Variants in RIMS1 observed in about 807,000 individuals in gnomAD.
RIMS1 encodes regulating synaptic membrane exocytosis protein 1.
Under a neutral mutation model 214.1 loss-of-function variants are expected in RIMS1, and 83 were observed. That is an observed-to-expected ratio of 0.39 (90% confidence interval 0.32 to 0.47). The LOEUF (loss-of-function observed/expected upper bound fraction) is 0.47, where lower values mean the gene tolerates loss of function less well. Among genes scored for constraint, RIMS1 ranks in the 20% least tolerant of loss-of-function variants. The pLI is 0.99. For missense variants in RIMS1, 2,050 were observed against 2,161.8 expected, an observed-to-expected ratio of 0.95 and a Z score of 1.03; for synonymous variants, 793 against 786.8, an observed-to-expected ratio of 1.01 and a Z score of -0.13.
chr6:72,283,337 A>G (rs1395525206), intron 23 of RIMS1, among the ~76,000 whole-genome samples: 1 of 152,112 alleles, frequency 6.6e-6, no homozygotes, highest in Non-Finnish European at 1.5e-5. Context: ...TAGAAAAATT[A>G]TTTCTGTGGG....
chr6:72,198,185 A>T (rs1056193532), intron 6 of RIMS1, among the ~76,000 whole-genome samples: 1 of 152,160 alleles, frequency 6.6e-6, no homozygotes, highest in Admixed American at 6.6e-5. Flanking sequence ...CACAATAGCA[A>T]AGATACTGAA....
chr6:71,932,952 A>C (rs534665683), intron 1 of RIMS1, among the ~76,000 whole-genome samples: 1 of 152,200 alleles, frequency 6.6e-6, no homozygotes, highest in Non-Finnish European at 1.5e-5. Flanking sequence ...TACTGAGCAC[A>C]TACTTTTATG....
intron 1 of RIMS1, among the ~76,000 whole-genome samples, chr6:71,951,532 C>T (rs901661483): frequency 6.8e-6 from 1 of 146,840 alleles, no homozygotes. Context: ...ACTCTGTCAC[C>T]CAGGCAGGAG....
intron 4 of RIMS1, among the ~76,000 whole-genome samples, chr6:72,101,139 A>G (rs1401450807): frequency 6.6e-6 from 1 of 151,904 alleles, no homozygotes; most frequent in Non-Finnish European, 1.5e-5. Flanking sequence ...AGATTTGGTG[A>G]TAAAATTTAA....
At chr6:72,194,017 T>C (rs2050474344) in intron 6 of RIMS1, among the ~76,000 whole-genome samples, 1 of 152,162 alleles carries the variant, frequency 6.6e-6, no homozygotes, top group South Asian at 2.1e-4. Flanking sequence ...AGATGTGTTC[T>C]ATAGGAATAC....
chr6:72,220,409 A>G (rs892293782), intron 6 of RIMS1, among the ~76,000 whole-genome samples: 1 of 152,094 alleles, frequency 6.6e-6, no homozygotes, highest in Non-Finnish European at 1.5e-5. Context: ...AAATGTAATT[A>G]TGGACCATGT....
rs1275419678 is a variant in RIMS1 at position 72,250,476 on chromosome 6, A to C, written c.2372+16A>C. ...CAGATAGAAGGTAGTGAATAATTTT[A>C]GAAAAAAAAAATCTTAAAATCTGTA... On this transcript the variant is annotated intron_variant, in intron 13 of 33. Transcript: ENST00000521978. 1 of 1,511,128 alleles carries C rather than the reference A, an allele frequency of 6.6e-7. No individual in the cohort carries two copies. 93.6% of individuals were successfully genotyped at this position (1,511,128 alleles called of 1,614,324 possible).
intron 1 of RIMS1, among the ~76,000 whole-genome samples, chr6:71,942,598 T>G (rs932429873): frequency 1.4e-4 from 22 of 152,176 alleles, no homozygotes; most frequent in Non-Finnish European, 1.0e-4. Context: ...AACACAGAGA[T>G]ACAGGTAGCT....
intron 1 of RIMS1, among the ~76,000 whole-genome samples, chr6:71,916,046 G>A (rs1778318438): frequency 6.6e-6 from 1 of 152,044 alleles, no homozygotes; most frequent in African/African-American, 2.4e-5. Context: ...TAGGAATTGT[G>A]GGAGCTACAA....
chr6:72,184,561 C>CAG (rs1562522858), intron 6 of RIMS1, among the ~76,000 whole-genome samples: 2 of 152,124 alleles, frequency 1.3e-5, no homozygotes, highest in African/African-American at 2.4e-5. Context: ...GAAGGATAGT[C>CAG]AAGGACCTAA....
chr6:72,173,464 ATC>A (rs760110931), intron 4 of RIMS1, among the ~76,000 whole-genome samples: 18 of 149,882 alleles, frequency 1.2e-4, no homozygotes, highest in African/African-American at 4.2e-4. Flanking sequence ...CATGTGTTTT[ATC>A]TCTCTAACGT....
At chr6:72,175,902 C>G (rs1037704717) in intron 4 of RIMS1, among the ~76,000 whole-genome samples, 1 of 151,984 alleles carries the variant, frequency 6.6e-6, no homozygotes, top group African/African-American at 2.4e-5. Context: ...TTTTATTTCT[C>G]TGGGTAAAAA....
At chr6:71,936,195 C>T (rs1562230193) in intron 1 of RIMS1, among the ~76,000 whole-genome samples, 2 of 151,224 alleles carry the variant, frequency 1.3e-5, no homozygotes, top group South Asian at 2.1e-4. Flanking sequence ...GGCGTGGTAG[C>T]GGGCGCCTGT....
intron 19 of RIMS1, chr6:72,262,087 A>G (rs1428119343): frequency 1.0e-6 from 1 of 984,840 alleles, no homozygotes; most frequent in East Asian, 1.1e-4. Flanking sequence ...AAAAATCCTT[A>G]TATTTTAAGC....
At chr6:72,086,949 A>G (rs1834806578) in intron 2 of RIMS1, among the ~76,000 whole-genome samples, 1 of 152,180 alleles carries the variant, frequency 6.6e-6, no homozygotes, top group Non-Finnish European at 1.5e-5. Flanking sequence ...GCTAAGAATA[A>G]TGAGGGCCTT....
intron 2 of RIMS1, among the ~76,000 whole-genome samples, chr6:71,980,472 T>C (rs1798223700): frequency 6.6e-6 from 1 of 152,094 alleles, no homozygotes; most frequent in Non-Finnish European, 1.5e-5. Flanking sequence ...ATAGTCTGAT[T>C]TGAAAAGCAT....
At position 72,377,664 on chromosome 6, in the gene RIMS1, TTAAC is replaced by T. The variant is rs548423522; in HGVS notation, c.4367-12928_4367-12925del. ...TATTCTTATAAACTGCCTGTATTGA[TTAAC>T]TAACTCACTGATTCCATCTTTGTGA... On this transcript the variant is annotated intron_variant, in intron 29 of 33. Coordinates refer to ENST00000521978, the MANE Select transcript of RIMS1 (RefSeq NM_014989.7). 3.6e-4 allele frequency among the ~76,000 whole-genome samples: 55 copies of T among 152,340 alleles called. 1 individual carries two copies. The East Asian group carries it at 9.8e-3, about 27-fold the overall frequency.
intron 29 of RIMS1, among the ~76,000 whole-genome samples, chr6:72,367,427 C>T (rs2098074081): frequency 6.6e-6 from 1 of 151,914 alleles, no homozygotes. Context: ...TAAATTTTGC[C>T]TTTTATTTTG....
intron 2 of RIMS1, among the ~76,000 whole-genome samples, chr6:72,074,273 G>C (rs536748171): frequency 6.6e-6 from 1 of 152,174 alleles, no homozygotes; most frequent in Non-Finnish European, 1.5e-5. Flanking sequence ...TACATAGCTG[G>C]TATTCATAGT....
Sources: allele counts gnomAD v4.1 joint callset (sites outside exome capture counted in the v4.1 genomes callset), GRCh38; gene constraint gnomAD v4.1.1; transcripts MANE v1.5; gene names NCBI Gene and HGNC (gene_info 2026-07-23, HGNC 2026-07-21).